MEGF10: variants seen among roughly 807,000 people sequenced by gnomAD.
MEGF10 encodes the protein multiple EGF like domains 10.
Under a neutral mutation model 147.5 loss-of-function variants are expected in MEGF10, and 86 were observed. That is an observed-to-expected ratio of 0.58 (90% CI 0.49 to 0.70). The LOEUF is 0.70. Ranked by LOEUF, MEGF10 falls within the 30% of genes least tolerant of loss-of-function variation. The pLI is 0.00. For missense variants in MEGF10, 1,329 were observed against 1,487.3 expected (o/e 0.89, Z 1.75); for synonymous variants, 478 against 525.5 (o/e 0.91, Z 1.24).
chr5:127,401,106 G>T (rs1361358114), intron 7 of MEGF10, among the ~76,000 whole-genome samples: 2 of 152,294 alleles, frequency 1.3e-5, no homozygotes, highest in South Asian at 4.1e-4. Flanking sequence ...GGGTAGTTAA[G>T]TCAGGCCCTG....
At chr5:127,377,509 G>A in intron 5 of MEGF10, among the ~76,000 whole-genome samples, 1 of 152,172 alleles carries the variant, frequency 6.6e-6, no homozygotes, top group East Asian at 1.9e-4. Flanking sequence ...AAATATACTT[G>A]GCAGTAGTGA....
At chr5:127,320,181 G>C (rs2126760080) in intron 1 of MEGF10, among the ~76,000 whole-genome samples, 1 of 152,282 alleles carries the variant, frequency 6.6e-6, no homozygotes, top group South Asian at 2.1e-4. Context: ...AAATAAAACA[G>C]AGAGGGAGCC....
intron 4 of MEGF10, among the ~76,000 whole-genome samples, chr5:127,342,044 T>C (rs1489047488): frequency 6.6e-6 from 1 of 152,228 alleles, no homozygotes; most frequent in Admixed American, 6.5e-5. Context: ...GGCTTTTTGC[T>C]TATACCCTGA....
the MEGF10 span, among the ~76,000 whole-genome samples, chr5:127,264,794 C>T: frequency 2.8e-4 from 42 of 152,014 alleles, no homozygotes; most frequent in African/African-American, 1.0e-3. Context: ...TGAATTTTAA[C>T]TCTTTTTTAA....
intron 10 of MEGF10, 53 bp from the exon 11 acceptor site, chr5:127,419,067 G>A (rs1253251640): frequency 1.9e-5 from 29 of 1,563,262 alleles, no homozygotes; most frequent in African/African-American, 4.1e-5. Flanking sequence ...ATTTGTGTTG[G>A]CCTTATTTCA....
intron 13 of MEGF10, among the ~76,000 whole-genome samples, chr5:127,428,005 G>C (rs1765262808): frequency 6.6e-6 from 1 of 152,106 alleles, no homozygotes; most frequent in Non-Finnish European, 1.5e-5. Context: ...GGCCCCTGCT[G>C]TGAGGGTGAA....
chr5:127,239,018 T>A, the MEGF10 span, among the ~76,000 whole-genome samples: 1 of 151,776 alleles, frequency 6.6e-6, no homozygotes, highest in East Asian at 1.9e-4. Flanking sequence ...GCGATAGTAC[T>A]GCCAAAATGT....
In MEGF10 at chr5:127,427,710, C is replaced by T. The variant is rs144336557; in HGVS notation, c.1693+4938C>T. Among the ~76,000 whole-genome samples the T allele has an allele frequency of 9.9e-5, 15 of 152,196 alleles. No homozygotes were observed. In the East Asian group the frequency reaches 2.5e-3, roughly 26 times the overall value. ...GCTGCTACTTCAGGGACTAATCTGTCGTGAGGTGATGTCTCATGCAGCTAA... is the reference window on the plus strand; with the variant it reads ...GCTGCTACTTCAGGGACTAATCTGTTGTGAGGTGATGTCTCATGCAGCTAA... On this transcript the variant is annotated intron_variant, in intron 13 of 24. Coordinates refer to ENST00000503335, the MANE Select transcript of MEGF10 (RefSeq NM_001256545.2).
At chr5:127,340,293 T>G (rs188379991) in intron 3 of MEGF10, among the ~76,000 whole-genome samples, 21 of 152,272 alleles carry the variant, frequency 1.4e-4, no homozygotes, top group Non-Finnish European at 2.2e-4. Context: ...TATGAATTAA[T>G]CAATACTTTT....
intron 5 of MEGF10, among the ~76,000 whole-genome samples, chr5:127,386,832 A>C (rs1272702245): frequency 6.6e-6 from 1 of 152,266 alleles, no homozygotes; most frequent in East Asian, 1.9e-4. Context: ...GGGCTGGGAC[A>C]TCCCAATGTG....
At chr5:127,331,615 G>GA (rs1761266213) in intron 2 of MEGF10, among the ~76,000 whole-genome samples, 191 bp downstream of exon 2, 1 of 152,118 alleles carries the variant, frequency 6.6e-6, no homozygotes. Flanking sequence ...TATATTATGT[G>GA]AAAAAAGTCT....
chr5:127,250,043 T>C, the MEGF10 span, among the ~76,000 whole-genome samples: 1 of 152,114 alleles, frequency 6.6e-6, no homozygotes, highest in South Asian at 2.1e-4. Flanking sequence ...TACCTCTTAA[T>C]ACTATTAAAA....
intron 10 of MEGF10, among the ~76,000 whole-genome samples, chr5:127,418,097 G>A (rs180689621): frequency 9.9e-4 from 151 of 152,218 alleles, no homozygotes; most frequent in African/African-American, 3.5e-3. Flanking sequence ...TTATTTTATT[G>A]TGTTTTATAG....
chr5:127,341,521 C>G (rs1459523865), intron 4 of MEGF10, among the ~76,000 whole-genome samples: 1 of 152,056 alleles, frequency 6.6e-6, no homozygotes, highest in African/African-American at 2.4e-5. Flanking sequence ...TCAGATAAAC[C>G]ATTTATACGT....
intron 4 of MEGF10, among the ~76,000 whole-genome samples, chr5:127,359,053 G>GTTTTTTTT (rs199971770): frequency 6.8e-6 from 1 of 146,442 alleles, no homozygotes; most frequent in African/African-American, 2.6e-5. Flanking sequence ...AACACAAGCT[G>GTTTTTTTT]TTTTGTTTTT....
At chr5:127,246,985 A>AAT in the MEGF10 span, among the ~76,000 whole-genome samples, 41,011 of 104,018 alleles carry the variant, frequency 0.39, 8,844 homozygotes, top group Middle Eastern at 0.55. Context: ...GTATAAAAAG[A>AAT]ATATATATAT....
the MEGF10 span, among the ~76,000 whole-genome samples, chr5:127,257,699 T>A: frequency 6.6e-6 from 1 of 152,178 alleles, no homozygotes; most frequent in Non-Finnish European, 1.5e-5. Flanking sequence ...AGTGCCATAT[T>A]AGGGGTATCT....
chr5:127,421,958 C>T (rs1305616058), intron 12 of MEGF10, among the ~76,000 whole-genome samples: 6 of 132,386 alleles, frequency 4.5e-5, no homozygotes, highest in Non-Finnish European at 7.7e-5. Context: ...CACTGCCGTC[C>T]GGCCTGGGTG....
At chr5:127,397,866 G>A (rs1371334114) in intron 6 of MEGF10, among the ~76,000 whole-genome samples, 1 of 152,140 alleles carries the variant, frequency 6.6e-6, no homozygotes, top group African/African-American at 2.4e-5. Context: ...TCAGTCAGTA[G>A]GAGAGAACAC....
Sources: gnomAD v4.1 joint callset for allele counts (sites outside exome capture counted in the v4.1 genomes callset) on GRCh38, gnomAD v4.1.1 for gene constraint, MANE v1.5 for transcripts, NCBI Gene and HGNC (gene_info 2026-07-23, HGNC 2026-07-21) for gene names.